Variants in DST observed in about 807,000 individuals in gnomAD.
DST encodes the protein bullous pemphigoid antigen.
In DST, 253 loss-of-function variants were observed where a neutral mutation model predicts 875.2. The ratio of observed to expected loss-of-function variants is 0.29; its 90% CI spans 0.26 to 0.32. DST has a LOEUF of 0.32. Among genes scored for constraint, DST ranks in the 10% least tolerant of loss-of-function variants. The pLI is 1.00. For missense variants in DST, 8,287 were observed against 9,111.6 expected, an observed-to-expected ratio of 0.91 and a Z score of 3.68; for synonymous variants, 3,124 against 3,197.1, an observed-to-expected ratio of 0.98 and a Z score of 0.77.
intron 63 of DST, 60 bp from the exon 64 acceptor site, chr6:56,532,570 A>G: frequency 7.0e-7 from 1 of 1,438,230 alleles, no homozygotes; most frequent in Non-Finnish European, 9.4e-7. Flanking sequence ...TATAAAGTAC[A>G]ATGTATTCTA....
Position 56,911,230 on chromosome 6 carries a change from A to G in DST, c.217-10609T>C, listed in dbSNP as rs1798725820. Among the ~76,000 whole-genome samples, 4 of 152,186 alleles carry G rather than the reference A, an allele frequency of 2.6e-5. No individual in the cohort carries two copies. In the South Asian group the frequency reaches 8.3e-4, roughly 32 times the overall value. Reference sequence around the variant, plus strand: ...GGAAGGGAGGGAATTAATTCTATAGATCAGTGCTTCTCAAACTTTAATATG... The same window carrying G: ...GGAAGGGAGGGAATTAATTCTATAGGTCAGTGCTTCTCAAACTTTAATATG... On this transcript the variant is annotated intron_variant, in intron 2 of 103. Coordinates refer to ENST00000680361, the MANE Select transcript of DST (RefSeq NM_001374736.1).
chr6:56,487,375 G>C (rs1006208193), intron 86 of DST, 102 bp from the exon 87 acceptor site: 2 of 1,042,278 alleles, frequency 1.9e-6, no homozygotes, highest in East Asian at 2.7e-5. Context: ...ATGAATTATA[G>C]ATGCTTTCTG....
intron 2 of DST, among the ~76,000 whole-genome samples, chr6:56,938,379 C>G (rs1369176604): frequency 2.0e-5 from 3 of 152,068 alleles, no homozygotes; most frequent in African/African-American, 7.2e-5. Flanking sequence ...CCGTCTCAGC[C>G]TCCCAAAGCA....
At chr6:56,694,793 C>T (rs574737595) in intron 9 of DST, among the ~76,000 whole-genome samples, 1 of 152,126 alleles carries the variant, frequency 6.6e-6, no homozygotes, top group African/African-American at 2.4e-5. Flanking sequence ...GAACGGCTTT[C>T]GGCCATCCCC....
At chr6:56,789,770 T>C (rs1336486989) in intron 4 of DST, among the ~76,000 whole-genome samples, 8 of 152,236 alleles carry the variant, frequency 5.3e-5, no homozygotes, top group African/African-American at 1.9e-4. Flanking sequence ...CACTTTAGCA[T>C]GTGTCCGAAT....
At chr6:56,469,772 G>A in intron 97 of DST, 111 bp downstream of exon 97, 1 of 892,944 alleles carries the variant, frequency 1.1e-6, no homozygotes, top group African/African-American at 1.7e-5. Context: ...ATTTTGACAT[G>A]AGGTAAAAAA....
chr6:56,476,764 C>T (rs767551390), intron 91 of DST, among the ~76,000 whole-genome samples: 16 of 151,842 alleles, frequency 1.1e-4, no homozygotes, highest in Non-Finnish European at 2.1e-4. Context: ...TCAGCCTGAC[C>T]AACCTGGTGA....
chr6:56,778,664 G>C (rs1384912459), intron 4 of DST, among the ~76,000 whole-genome samples: 2 of 151,304 alleles, frequency 1.3e-5, no homozygotes, highest in African/African-American at 2.4e-5. Flanking sequence ...ATAGTTTACT[G>C]AGAATGATGG....
intron 71 of DST, among the ~76,000 whole-genome samples, chr6:56,516,171 G>GAGAA (rs148522481): frequency 2.2e-5 from 3 of 136,414 alleles, no homozygotes; most frequent in African/African-American, 9.1e-5. Context: ...GAAAGAGAAA[G>GAGAA]AGAAAGAAAG....
intron 4 of DST, among the ~76,000 whole-genome samples, chr6:56,761,997 G>A (rs1246045900): frequency 6.6e-6 from 1 of 151,646 alleles, no homozygotes; most frequent in Non-Finnish European, 1.5e-5. Flanking sequence ...TCATGGCACA[G>A]ATGTCAACTT....
rs951257554 is a variant in DST at position 56,693,038 on chromosome 6, T to C, written c.1047+6615A>G. 4 of 1,289,700 alleles carry C rather than the reference T, an allele frequency of 3.1e-6. No individual in the cohort carries two copies. In the East Asian group the frequency reaches 1.7e-4, roughly 54 times the overall value. The allele number at this position is 1,289,700 out of a possible 1,614,324, so 79.9% of individuals were successfully genotyped here. On this transcript the variant is annotated intron_variant, in intron 9 of 103. Transcript: ENST00000680361. ...CCTCCAGTTTTTTTGATCGGTTTTCTTCTGAAATATTTTCTTCCAGGAGAG... is the reference window on the plus strand; with the variant it reads ...CCTCCAGTTTTTTTGATCGGTTTTCCTCTGAAATATTTTCTTCCAGGAGAG...
intron 50 of DST, among the ~76,000 whole-genome samples, chr6:56,575,916 C>G (rs928665577): frequency 1.3e-5 from 2 of 151,946 alleles, no homozygotes; most frequent in African/African-American, 4.8e-5. Flanking sequence ...AATGAGGTGA[C>G]GCCTGGTGGC....
intron 36 of DST, chr6:56,617,000 G>T (rs369510727): frequency 6.2e-7 from 1 of 1,609,940 alleles, no homozygotes; most frequent in Non-Finnish European, 8.5e-7. Context: ...TCTCTCGGCC[G>T]CTGAGGCAAA....
At position 56,633,112 on chromosome 6, in the gene DST, G is replaced by A. The variant is rs2098794944; in HGVS notation, c.3622-75C>T. 10 of 1,185,988 alleles carry A rather than the reference G, an allele frequency of 8.4e-6. No homozygotes were observed. The East Asian group carries it at 9.3e-5, about 11-fold the overall frequency. 73.5% of individuals were successfully genotyped at this position (1,185,988 alleles called of 1,614,324 possible). On this transcript the variant is annotated intron_variant, in intron 27 of 103. Coordinates refer to ENST00000680361, the MANE Select transcript of DST (RefSeq NM_001374736.1). ...GAATGGGAGACACTTCAAACTGGTC[G>A]TGTGGTATATGCCAATCTAAACGAA... is the stretch of plus-strand genomic sequence containing the variant.
In DST at chr6:56,604,355, C is replaced by T; in HGVS notation, c.10273G>A (p.Glu3425Lys). ...TCATCTCTACTTTCTGGCTTTAGTT[C>T]TGATGAGTTAGTCATGGGGGAAACT... ...SGVSPMTNSS[E>K]LKPESRDDPF... Residue 3425 changes from glutamate to lysine, a missense_variant, in exon 40 of 104, where the codon GAA becomes AAA. This residue lies in a region of DST where 3,138 missense variants were observed against 3,116.6 expected (regional missense o/e 1.01). Transcript: ENST00000680361. The T allele has an allele frequency of 6.2e-7, 1 of 1,612,202 alleles. No individual in the cohort carries two copies. Among genetic ancestry groups the T allele is most frequent in the South Asian group, 1.1e-5 (1 of 90,962 alleles).
In DST at chr6:56,742,325, T is replaced by C. The variant is rs750397978; in HGVS notation, c.626-7036A>G. 6 of 1,289,684 alleles carry C rather than the reference T, an allele frequency of 4.7e-6. No homozygotes were observed. In the East Asian group the frequency reaches 1.7e-4, roughly 36 times the overall value. 79.9% of individuals were successfully genotyped at this position (1,289,684 alleles called of 1,614,324 possible). ...GCGTTCCAATCTTGATCATTTTTCA[T>C]GAGCTGCCCCATCATTCTGCAGGAA... On this transcript the variant is annotated intron_variant, in intron 4 of 103. Coordinates refer to ENST00000680361, the MANE Select transcript of DST (RefSeq NM_001374736.1).
chr6:56,866,136 G>A (rs767889683), intron 3 of DST, among the ~76,000 whole-genome samples: 1 of 152,042 alleles, frequency 6.6e-6, no homozygotes, highest in South Asian at 2.1e-4. Flanking sequence ...TGGGGCTACA[G>A]GTGCATGCCA....
At chr6:56,825,502 T>TAAAAA (rs749148452) in intron 4 of DST, among the ~76,000 whole-genome samples, 2 of 109,346 alleles carry the variant, frequency 1.8e-5, no homozygotes, top group African/African-American at 7.4e-5. Context: ...CAATAAATAC[T>TAAAAA]AAAAAAAAAA....
In DST at chr6:56,620,103, C is replaced by T. The variant is rs1405502818; in HGVS notation, c.4929+4427G>A. The T allele has an allele frequency of 1.2e-6, 2 of 1,613,520 alleles. No individual in the cohort carries two copies. The highest frequency in any genetic ancestry group is 1.7e-6 in the Non-Finnish European group (2 of 1,180,036). On this transcript the variant is annotated intron_variant, in intron 36 of 103. Coordinates refer to ENST00000680361, the MANE Select transcript of DST (RefSeq NM_001374736.1). ...GCTTCCAATTCAATTTTCTGCTTTT[C>T]TTTCAACTGTTTCTCTGCTACCTGT...
Sources: gnomAD v4.1 joint callset for allele counts (sites outside exome capture counted in the v4.1 genomes callset) on GRCh38, gnomAD v4.1.1 for gene constraint, gnomAD v4.1.1 regional missense constraint, MANE v1.5 for transcripts, NCBI Gene and HGNC (gene_info 2026-07-23, HGNC 2026-07-21) for gene names.